The following FRMPD3 variants were observed in gnomAD, a reference collection of about 807,000 sequenced individuals.
FRMPD3 encodes the protein FERM and PDZ domain containing 3.
Under a neutral mutation model 97.9 loss-of-function variants are expected in FRMPD3, and 42 were observed. That is an observed-to-expected ratio of 0.43 (90% CI 0.34 to 0.55). The LOEUF is 0.55. Among genes scored for constraint, FRMPD3 ranks in the 20% least tolerant of loss-of-function variants. FRMPD3 has a pLI of 0.03. For synonymous variants in FRMPD3, 577 were observed against 581.1 expected, an observed-to-expected ratio of 0.99 and a Z score of 0.10; for missense variants, 1,303 against 1,457.7, an observed-to-expected ratio of 0.89 and a Z score of 1.73.
chrX:107,465,148 T>A lies in FRMPD3; in HGVS notation c.-8+15143T>A, dbSNP rs189071477. 3.3e-4 allele frequency among the ~76,000 whole-genome samples: 37 copies of A among 111,381 alleles called. No homozygotes were observed. The East Asian group carries it at 0.01, about 31-fold the overall frequency. ...TGATTCAGGAAGGACCTGATTCATCTATCAAACATGAGTGTATCAACGTGA... is the reference window on the plus strand; with the variant it reads ...TGATTCAGGAAGGACCTGATTCATCAATCAAACATGAGTGTATCAACGTGA... On this transcript the variant is annotated intron_variant, in intron 1 of 14. Transcript: ENST00000683843.
chrX:107,475,032 G>T (rs1002918513), intron 1 of FRMPD3, among the ~76,000 whole-genome samples: 6 of 111,504 alleles, frequency 5.4e-5, no homozygotes, highest in African/African-American at 2.0e-4. Flanking sequence ...TCCAACAGGG[G>T]GACCAGCTCT....
chrX:107,597,569 C>T lies in FRMPD3; in HGVS notation c.1690C>T (p.Pro564Ser). Reference sequence around the variant, plus strand: ...GACCAGGCCCCGAACCAAGTCTGACCCCACATCCAAAAGCTCTGGCCAAGG... The same window carrying T: ...GACCAGGCCCCGAACCAAGTCTGACTCCACATCCAAAAGCTCTGGCCAAGG... ...EETRPRTKSD[P>S]TSKSSGQGYE... Residue 564 changes from proline (P) to serine (S), a missense_variant, in exon 14 of 15, where the codon CCC (proline) becomes TCC (serine). Coordinates refer to ENST00000683843, the MANE Select transcript of FRMPD3 (RefSeq NM_001388459.1). The T allele has an allele frequency of 1.7e-6, 2 of 1,210,779 alleles. No individual in the cohort carries two copies. Among genetic ancestry groups the T allele is most frequent in the East Asian group, 3.0e-5 (1 of 33,848 alleles).
At chrX:107,458,421 G>A (rs1931413662) in intron 1 of FRMPD3, among the ~76,000 whole-genome samples, 1 of 112,204 alleles carries the variant, frequency 8.9e-6, no homozygotes, top group Non-Finnish European at 1.9e-5. Context: ...AGTGTGGGCT[G>A]GAATGAGGGG....
At chrX:107,539,062 A>G (rs1190797367) in intron 4 of FRMPD3, among the ~76,000 whole-genome samples, 1 of 112,571 alleles carries the variant, frequency 8.9e-6, no homozygotes, top group African/African-American at 3.2e-5. Context: ...GACAGAAAAA[A>G]AAAAAGAAAA....
chrX:107,510,419 C>G (rs1195268377), intron 1 of FRMPD3, among the ~76,000 whole-genome samples: 1 of 111,365 alleles, frequency 9.0e-6, no homozygotes, highest in African/African-American at 3.3e-5. Flanking sequence ...CACTCCCTGC[C>G]TGTCCCTGAT....
At chrX:107,493,135 G>T (rs180712202) in intron 1 of FRMPD3, among the ~76,000 whole-genome samples, 17 of 81,982 alleles carry the variant, frequency 2.1e-4, no homozygotes, top group African/African-American at 7.9e-4. Flanking sequence ...AGCTGTGATT[G>T]TATCAATGCA....
Position 107,602,361 on chromosome X carries a change from G to T in FRMPD3, c.4322G>T (p.Arg1441Met), listed in dbSNP as rs1465141473. Residue 1441 changes from arginine (R) to methionine (M), a missense_variant, in exon 15 of 15, where the codon AGG (arginine) becomes ATG (methionine). Transcript: ENST00000683843. Reference protein sequence around the residue: ...SLPIALGPKSRSLESPTLGDP... With the variant: ...SLPIALGPKSMSLESPTLGDP... ...CCCATAGCCTTGGGTCCCAAAAGCA[G>T]GTCTCTGGAGTCACCGACGCTGGGA... The T allele has an allele frequency of 8.3e-7, 1 of 1,210,484 alleles. No individual in the cohort carries two copies. Among genetic ancestry groups the T allele is most frequent in the Admixed American group, 2.2e-5 (1 of 46,070 alleles).
intron 1 of FRMPD3, among the ~76,000 whole-genome samples, chrX:107,503,706 C>G (rs898409139): frequency 1.8e-5 from 2 of 111,946 alleles, no homozygotes; most frequent in Non-Finnish European, 3.8e-5. Context: ...CATGGGGGCA[C>G]AGATCCCCTG....
chrX:107,549,330 GAAAAAGAAAAA>G (rs1258410355), intron 5 of FRMPD3, among the ~76,000 whole-genome samples: 2 of 108,079 alleles, frequency 1.9e-5, no homozygotes, highest in African/African-American at 6.8e-5. Flanking sequence ...CTCAAAAAAA[GAAAAAGAAAAA>G]AAAAAGAAAA....
chrX:107,547,768 C>T (rs1019761700), intron 5 of FRMPD3, among the ~76,000 whole-genome samples: 1 of 111,942 alleles, frequency 8.9e-6, no homozygotes, highest in East Asian at 2.8e-4. Context: ...CTTTCGTGTT[C>T]CAAGGCTTTA....
In FRMPD3 at chrX:107,580,866, C is replaced by T. The variant is rs6622240; in HGVS notation, c.1441+4407C>T. On this transcript the variant is annotated intron_variant, in intron 13 of 14. Transcript: ENST00000683843. ...CCACTCATTGATTCTGTATTTAAAG[C>T]GGCAACATGGTCTATGGAAAATTGC... Among the ~76,000 whole-genome samples, 6 of 111,185 alleles carry T rather than the reference C, an allele frequency of 5.4e-5. No individual in the cohort carries two copies. The East Asian group carries it at 8.5e-4, about 16-fold the overall frequency.
intron 13 of FRMPD3, among the ~76,000 whole-genome samples, chrX:107,584,440 T>C (rs1474402797): frequency 8.9e-6 from 1 of 112,048 alleles, no homozygotes; most frequent in African/African-American, 3.2e-5. Flanking sequence ...AGAAGCTCTT[T>C]AGTTTAATTA....
At chrX:107,598,257 A>T in intron 14 of FRMPD3, 115 bp downstream of exon 14, 3 of 625,036 alleles carry the variant, frequency 4.8e-6, no homozygotes, top group East Asian at 7.0e-5. Flanking sequence ...ATGTCAGGGC[A>T]GTGGATGTAC....
chrX:107,558,942 C>G (rs1346844819), intron 8 of FRMPD3, among the ~76,000 whole-genome samples: 1 of 110,829 alleles, frequency 9.0e-6, no homozygotes, highest in Non-Finnish European at 1.9e-5. Flanking sequence ...GCCTCAACCT[C>G]CCAAAGTGCT....
chrX:107,495,594 A>G (rs958539616), intron 1 of FRMPD3, among the ~76,000 whole-genome samples: 2 of 111,907 alleles, frequency 1.8e-5, no homozygotes, highest in Non-Finnish European at 1.9e-5. Flanking sequence ...CTCCTGCCGT[A>G]TATACAGAGA....
intron 12 of FRMPD3, 38 bp downstream of exon 12, chrX:107,565,104 C>T (rs748804499): frequency 9.1e-7 from 1 of 1,096,475 alleles, no homozygotes; most frequent in Non-Finnish European, 1.2e-6. Flanking sequence ...TGTTTAGGAA[C>T]AGGCCTTGGG....
At chrX:107,562,648 C>T (rs1361081579) in intron 10 of FRMPD3, among the ~76,000 whole-genome samples, 1 of 112,073 alleles carries the variant, frequency 8.9e-6, no homozygotes, top group Non-Finnish European at 1.9e-5. Context: ...AGGTTTCTGG[C>T]TTGATTGCCC....
At chrX:107,479,541 T>C (rs770660274) in intron 1 of FRMPD3, among the ~76,000 whole-genome samples, 2 of 111,469 alleles carry the variant, frequency 1.8e-5, no homozygotes, top group Admixed American at 9.5e-5. Flanking sequence ...GAGAATAGTA[T>C]TGTGGTTATG....
chrX:107,515,424 C>G (rs375444773), intron 1 of FRMPD3, among the ~76,000 whole-genome samples: 1 of 111,036 alleles, frequency 9.0e-6, no homozygotes, highest in South Asian at 3.9e-4. Flanking sequence ...AGGTAAGGAC[C>G]GAGAGATGAC....
Sources: gnomAD v4.1 joint callset for allele counts (sites outside exome capture counted in the v4.1 genomes callset) on GRCh38, gnomAD v4.1.1 for gene constraint, MANE v1.5 for transcripts, NCBI Gene and HGNC (gene_info 2026-07-23, HGNC 2026-07-21) for gene names.